The following NRXN1 variants were observed in gnomAD, a reference collection of about 807,000 sequenced individuals.
NRXN1 encodes the protein neurexin-1.
A neutral mutation model predicts 150.9 loss-of-function variants in NRXN1; 39 were observed. The ratio of observed to expected loss-of-function variants is 0.26; its 90% confidence interval spans 0.20 to 0.34. The LOEUF is 0.34. NRXN1 is among the 10% of genes least tolerant of loss of function. The probability of loss-of-function intolerance (pLI) is 1.00; values close to 1 mark genes in which losing one functional copy is unlikely to be tolerated. For synonymous variants in NRXN1, 924 were observed against 757.0 expected, an observed-to-expected ratio of 1.22 and a Z score of -3.62; for missense variants, 1,815 against 1,949.9, an observed-to-expected ratio of 0.93 and a Z score of 1.30.
intron 17 of NRXN1, among the ~76,000 whole-genome samples, chr2:50,323,446 T>C (rs975139441): frequency 6.6e-6 from 1 of 152,110 alleles, no homozygotes; most frequent in Admixed American, 6.5e-5. Context: ...GCAGATATGG[T>C]GCCTAGCATG....
chr2:50,925,631 C>T (rs1221526616), intron 3 of NRXN1, among the ~76,000 whole-genome samples: 3 of 151,844 alleles, frequency 2.0e-5, no homozygotes, highest in Non-Finnish European at 4.4e-5. Context: ...AATATTTTGT[C>T]TTTTAAAGTA....
intron 18 of NRXN1, among the ~76,000 whole-genome samples, chr2:50,095,741 C>T (rs1700123623): frequency 6.7e-6 from 1 of 149,120 alleles, no homozygotes; most frequent in Non-Finnish European, 1.5e-5. Flanking sequence ...AATGAGCATC[C>T]GTGATGCTTG....
intron 5 of NRXN1, among the ~76,000 whole-genome samples, chr2:50,652,274 TATA>T (rs1685753181): frequency 6.6e-6 from 1 of 152,076 alleles, no homozygotes; most frequent in Admixed American, 6.6e-5. Context: ...TTCGTTTAAG[TATA>T]CAATTCAATG....
At chr2:50,592,799 G>A (rs1674506523) in intron 8 of NRXN1, among the ~76,000 whole-genome samples, 1 of 152,192 alleles carries the variant, frequency 6.6e-6, no homozygotes, top group Non-Finnish European at 1.5e-5. Context: ...GTTTGAGTAT[G>A]TGGTTAGCGA....
At chr2:50,829,676 C>A (rs1261426318) in intron 5 of NRXN1, 1 of 1,610,682 alleles carries the variant, frequency 6.2e-7, no homozygotes, top group Non-Finnish European at 8.5e-7. Flanking sequence ...CAGGCTGACA[C>A]AGCGGAGCGC....
chr2:49,974,299 G>A (rs1207500345), intron 21 of NRXN1: 4 of 532,644 alleles, frequency 7.5e-6, no homozygotes, highest in South Asian at 1.9e-5. Flanking sequence ...GAGGCTGTTG[G>A]TACACAGCCC....
intron 8 of NRXN1, among the ~76,000 whole-genome samples, chr2:50,566,935 T>A (rs916809956): frequency 6.6e-6 from 1 of 152,172 alleles, no homozygotes; most frequent in Admixed American, 6.5e-5. Context: ...ATCCCTTTTC[T>A]CTTTTTCGAC....
intron 2 of NRXN1, among the ~76,000 whole-genome samples, chr2:51,001,346 G>T (rs10171887): frequency 6.6e-6 from 1 of 150,992 alleles, no homozygotes; most frequent in African/African-American, 2.4e-5. Flanking sequence ...GCAAAAAATC[G>T]TACTCAGAAC....
At chr2:50,636,874 T>G (rs1683307315) in intron 5 of NRXN1, among the ~76,000 whole-genome samples, 1 of 152,190 alleles carries the variant, frequency 6.6e-6, no homozygotes, top group African/African-American at 2.4e-5. Flanking sequence ...TTCATATAAT[T>G]GCAAATATAC....
intron 5 of NRXN1, among the ~76,000 whole-genome samples, chr2:50,881,368 GA>G (rs1209932773): frequency 6.6e-6 from 1 of 151,900 alleles, no homozygotes; most frequent in African/African-American, 2.4e-5. Context: ...CTAAAGACAT[GA>G]AAAATAGCAT....
chr2:50,498,725 A>G (rs1396324470), intron 13 of NRXN1, among the ~76,000 whole-genome samples: 1 of 152,220 alleles, frequency 6.6e-6, no homozygotes, highest in Non-Finnish European at 1.5e-5. Context: ...ATATTAAAAC[A>G]CAACATAAAT....
chr2:50,971,870 T>C (rs1695061192), intron 2 of NRXN1, among the ~76,000 whole-genome samples: 1 of 152,136 alleles, frequency 6.6e-6, no homozygotes, highest in Admixed American at 6.6e-5. Flanking sequence ...CATTTACCTT[T>C]AAATAGCAGT....
chr2:50,930,999 C>T (rs1377910899), intron 2 of NRXN1, among the ~76,000 whole-genome samples: 1 of 152,160 alleles, frequency 6.6e-6, no homozygotes, highest in Non-Finnish European at 1.5e-5. Flanking sequence ...ACCCTACCTA[C>T]TTTCCCAACT....
chr2:50,385,251 G>A (rs937762149), intron 17 of NRXN1, among the ~76,000 whole-genome samples: 8 of 152,150 alleles, frequency 5.3e-5, no homozygotes, highest in African/African-American at 1.9e-4. Flanking sequence ...CAATGCATGA[G>A]TGAAGGAATG....
At chr2:50,897,883 T>C (rs563420260) in intron 5 of NRXN1, among the ~76,000 whole-genome samples, 2 of 152,334 alleles carry the variant, frequency 1.3e-5, no homozygotes, top group African/African-American at 4.8e-5. Context: ...GCACTTTAAA[T>C]GGGTTCTATT....
At chr2:50,318,211 C>T (rs2075760488) in intron 17 of NRXN1, among the ~76,000 whole-genome samples, 2 of 152,028 alleles carry the variant, frequency 1.3e-5, no homozygotes, top group Admixed American at 6.6e-5. Flanking sequence ...CATATGAAGA[C>T]ATGTACAACA....
intron 18 of NRXN1, among the ~76,000 whole-genome samples, chr2:50,164,913 G>A (rs2059581592): frequency 6.6e-6 from 1 of 152,206 alleles, no homozygotes; most frequent in Non-Finnish European, 1.5e-5. Context: ...TGTCAGTGGA[G>A]TGAAGCAAAG....
At position 50,339,552 on chromosome 2, in the gene NRXN1, T is replaced by A. The variant is rs549645356; in HGVS notation, c.3365-102582A>T. ...TTAAAATTCACAAATCTCACCGATA[T>A]TAAGTTCCCACAATTAATGCAGCAG... is the stretch of plus-strand genomic sequence containing the variant. On this transcript the variant is annotated intron_variant, in intron 17 of 22. Coordinates refer to ENST00000401669, the MANE Select transcript of NRXN1 (RefSeq NM_001330078.2). 4.3e-4 allele frequency among the ~76,000 whole-genome samples: 65 copies of A among 152,316 alleles called. 1 individual carries two copies. The highest frequency in any genetic ancestry group is 1.5e-3 in the African/African-American group (64 of 41,586).
intron 2 of NRXN1, among the ~76,000 whole-genome samples, chr2:50,996,247 G>A (rs927531786): frequency 2.0e-5 from 3 of 152,088 alleles, no homozygotes; most frequent in African/African-American, 7.2e-5. Context: ...GTGGCACAAT[G>A]CCACAAAGGT....
Sources: gnomAD v4.1 joint callset for allele counts (sites outside exome capture counted in the v4.1 genomes callset) on GRCh38, gnomAD v4.1.1 for gene constraint, MANE v1.5 for transcripts, NCBI Gene and HGNC (gene_info 2026-07-23, HGNC 2026-07-21) for gene names.